Variants in DNAH3 observed in about 807,000 individuals in gnomAD.
The protein encoded by DNAH3 is axonemal beta dynein heavy chain 3.
Under a neutral mutation model 432.5 loss-of-function variants are expected in DNAH3, and 332 were observed. That is an observed-to-expected ratio of 0.77 (90% confidence interval 0.70 to 0.84). The LOEUF is 0.84. Ranked by LOEUF, DNAH3 falls within the 40% of genes least tolerant of loss-of-function variation. The probability of loss-of-function intolerance (pLI) is 0.00; values close to 1 mark genes in which losing one functional copy is unlikely to be tolerated. For synonymous variants in DNAH3, 1,956 were observed against 1,900.2 expected (o/e 1.03, Z -0.76); for missense variants, 4,861 against 5,114.0 (o/e 0.95, Z 1.51).
intron 12 of DNAH3, among the ~76,000 whole-genome samples, chr16:21,113,649 G>A (rs948272958): frequency 3.9e-5 from 6 of 152,132 alleles, no homozygotes; most frequent in African/African-American, 1.4e-4. Context: ...AATAGAGACA[G>A]AATTTTGTCA....
chr16:20,934,586 T>C (rs1397227160), intron 61 of DNAH3, among the ~76,000 whole-genome samples: 1 of 152,196 alleles, frequency 6.6e-6, no homozygotes, highest in Non-Finnish European at 1.5e-5. Context: ...GTATGGGTAC[T>C]CAAGGTGTGG....
At chr16:21,026,945 T>G (rs2088595197) in intron 38 of DNAH3, 82 bp downstream of exon 38, 2 of 948,018 alleles carry the variant, frequency 2.1e-6, no homozygotes, top group Admixed American at 4.2e-5. Flanking sequence ...TCATCACATT[T>G]GTGAAATTTG....
At chr16:20,937,916 C>T (rs907553035) in intron 59 of DNAH3, among the ~76,000 whole-genome samples, 7 of 152,138 alleles carry the variant, frequency 4.6e-5, no homozygotes, top group African/African-American at 1.7e-4. Flanking sequence ...GCCTCTCCCT[C>T]TGACCTTTAT....
exon 46 of DNAH3, chr16:20,987,757 A>C (rs1235460383): frequency 6.2e-7 from 1 of 1,614,162 alleles, no homozygotes; most frequent in East Asian, 2.2e-5. Flanking sequence ...CCGCAGGTTA[A>C]AGACGTAATG....
intron 49 of DNAH3, among the ~76,000 whole-genome samples, chr16:20,980,361 A>AAT (rs1241768882): frequency 7.5e-5 from 9 of 119,668 alleles, no homozygotes; most frequent in East Asian, 2.3e-4. Flanking sequence ...TTTATATATA[A>AAT]ATATATATAT....
chr16:21,003,803 A>T (rs534495510), intron 41 of DNAH3, among the ~76,000 whole-genome samples: 7 of 151,988 alleles, frequency 4.6e-5, no homozygotes, highest in Middle Eastern at 3.4e-3. Flanking sequence ...ATATACAATT[A>T]AAAAAAAGAA....
intron 18 of DNAH3, among the ~76,000 whole-genome samples, chr16:21,096,049 TATG>T (rs1253792460): frequency 6.6e-6 from 1 of 152,098 alleles, no homozygotes; most frequent in Non-Finnish European, 1.5e-5. Flanking sequence ...GGATTACAGG[TATG>T]AGCCACCATG....
chr16:21,089,247 G>A (rs2091464274), intron 18 of DNAH3, among the ~76,000 whole-genome samples: 1 of 152,120 alleles, frequency 6.6e-6, no homozygotes, highest in African/African-American at 2.4e-5. Flanking sequence ...GCCACTGCAG[G>A]GGAAAAGTGG....
intron 50 of DNAH3, among the ~76,000 whole-genome samples, chr16:20,977,063 G>A (rs1044695977): frequency 5.3e-5 from 8 of 152,162 alleles, no homozygotes; most frequent in Non-Finnish European, 1.2e-4. Context: ...CATGAGGGTT[G>A]TGCCATTTTT....
chr16:21,101,865 C>T (rs1455297143), intron 16 of DNAH3, among the ~76,000 whole-genome samples: 1 of 152,234 alleles, frequency 6.6e-6, no homozygotes, highest in Non-Finnish European at 1.5e-5. Flanking sequence ...ATCCAACAGA[C>T]AAGAGAATCC....
In DNAH3 at chr16:21,051,657, C is replaced by G; in HGVS notation, c.4238+13G>C. The G allele has an allele frequency of 6.2e-7, 1 of 1,612,446 alleles. No individual in the cohort carries two copies. Among genetic ancestry groups the G allele is most frequent in the Non-Finnish European group, 8.5e-7 (1 of 1,179,864 alleles). On this transcript the variant is annotated intron_variant, in intron 29 of 61. Transcript: ENST00000261383. ...TCCGTTCACCCCTCAGATCTAGGAG[C>G]TCCAGAGTGTACCTGTAGCAGCGGT...
chr16:21,059,117 C>G (rs1263411074), intron 26 of DNAH3, among the ~76,000 whole-genome samples: 2 of 152,176 alleles, frequency 1.3e-5, no homozygotes, highest in Admixed American at 1.3e-4. Flanking sequence ...ATTTACTATA[C>G]ATATGTGTCT....
chr16:21,008,232 T>G (rs1290970165), intron 41 of DNAH3, among the ~76,000 whole-genome samples: 1 of 152,204 alleles, frequency 6.6e-6, no homozygotes, highest in Non-Finnish European at 1.5e-5. Flanking sequence ...GTGTGCATGA[T>G]TGCCTTACCA....
At chr16:20,955,099 A>T in intron 54 of DNAH3, 42 bp from the exon 55 acceptor site, 1 of 1,519,268 alleles carries the variant, frequency 6.6e-7, no homozygotes, top group Non-Finnish European at 8.8e-7. Context: ...CAATACAATA[A>T]GTTATAGTGA....
rs191732861 is a variant in DNAH3, at chr16:21,127,816, C to A, written c.1083-4G>T. The A allele has an allele frequency of 5.5e-3, 8,926 of 1,613,738 alleles. 32 individuals are homozygous for A. The highest frequency in any genetic ancestry group is 6.8e-3 in the Non-Finnish European group (8,079 of 1,179,806). ...AACAAACCTGAGGTCTCTGAATCTG[C>A]CAAAAGAGAGGGAGAAATTTCCTAA... On this transcript the variant is annotated splice_polypyrimidine_tract_variant and splice_region_variant and intron_variant, in intron 7 of 61. Transcript: ENST00000261383.
intron 58 of DNAH3, among the ~76,000 whole-genome samples, chr16:20,943,066 G>C (rs970871042): frequency 6.6e-6 from 1 of 151,892 alleles, no homozygotes; most frequent in Non-Finnish European, 1.5e-5. Flanking sequence ...TGGGACTACA[G>C]GCACGCACCA....
chr16:21,000,484 G>A, exon 43 of DNAH3: 1 of 1,612,480 alleles, frequency 6.2e-7, no homozygotes, highest in Non-Finnish European at 8.5e-7. Context: ...GGACTGCCGG[G>A]CTGTCTCCAT....
chr16:21,131,074 T>G (rs1207998961), intron 7 of DNAH3, among the ~76,000 whole-genome samples: 2 of 152,184 alleles, frequency 1.3e-5, no homozygotes, highest in Admixed American at 6.6e-5. Context: ...CGGTGGCTCA[T>G]GCCTGTAATC....
intron 18 of DNAH3, among the ~76,000 whole-genome samples, chr16:21,088,895 A>C (rs12926565): frequency 1.3e-5 from 2 of 152,224 alleles, no homozygotes; most frequent in Non-Finnish European, 2.9e-5. Flanking sequence ...CTAGGCAAAG[A>C]AGCAATGTGA....
Sources: gnomAD v4.1 joint callset for allele counts (sites outside exome capture counted in the v4.1 genomes callset) on GRCh38, gnomAD v4.1.1 for gene constraint, MANE v1.5 for transcripts, NCBI Gene and HGNC (gene_info 2026-07-23, HGNC 2026-07-21) for gene names.